Variants in ZFAND4 observed in about 807,000 individuals in gnomAD.
The protein encoded by ZFAND4 is zinc finger AN1-type containing 4, also known as AN1-type zinc finger protein 4.
ZFAND4 carries 43 observed loss-of-function variants against 64.4 expected under a neutral mutation model. That is an observed-to-expected ratio of 0.67 (90% CI 0.52 to 0.86). ZFAND4 has a LOEUF of 0.86. Among genes scored for constraint, ZFAND4 ranks in the 40% least tolerant of loss-of-function variants. ZFAND4 has a pLI of 0.00. For synonymous variants in ZFAND4, 296 were observed against 305.7 expected (o/e 0.97, Z 0.33); for missense variants, 929 against 859.8 (o/e 1.08, Z -1.01).
In ZFAND4 at chr10:45,639,918, A is replaced by G. The variant is rs371565449; in HGVS notation, c.615T>C (p.Thr205=). 2.2e-5 allele frequency: 36 copies of G among 1,613,332 alleles called. No homozygotes were observed. In the South Asian group the frequency reaches 3.6e-4, roughly 16 times the overall value. ...TCTGTTGCCCAGAAGAAGAAGGCTCAGTTTCTTCATCCTCATCTGTATCTG... is the reference window on the plus strand; with the variant it reads ...TCTGTTGCCCAGAAGAAGAAGGCTCGGTTTCTTCATCCTCATCTGTATCTG... The part of the protein sequence containing the change: ...YNSDTDEDEE[T]EPSSSGQQII... Residue 205 remains threonine (T), a synonymous_variant, in exon 6 of 10, where the codon ACT becomes ACC. Transcript: ENST00000344646.
chr10:45,650,781 T>C (rs1208351454), intron 4 of ZFAND4: 3 of 152,168 alleles, frequency 2.0e-5, no homozygotes, highest in Non-Finnish European at 1.5e-5. Flanking sequence ...GTTATTACTA[T>C]AAACATCACA....
intron 2 of ZFAND4, among the ~76,000 whole-genome samples, chr10:45,656,534 AAAAG>A (rs1481064633): frequency 1.9e-4 from 29 of 150,692 alleles, no homozygotes; most frequent in Non-Finnish European, 3.0e-4. Context: ...AAGAAAAGAA[AAAAG>A]AAAGAAAGAA....
At chr10:45,629,927 C>A (rs901397061) in intron 6 of ZFAND4, among the ~76,000 whole-genome samples, 1 of 152,002 alleles carries the variant, frequency 6.6e-6, no homozygotes, top group Non-Finnish European at 1.5e-5. Context: ...ATTTAAAAAA[C>A]CTGCATCTCA....
intron 5 of ZFAND4, among the ~76,000 whole-genome samples, chr10:45,646,643 AAC>A (rs1358497763): frequency 1.2e-4 from 19 of 152,300 alleles, no homozygotes; most frequent in Non-Finnish European, 5.9e-5. Flanking sequence ...GATGTCTAAA[AAC>A]ACAGCATAAT....
At chr10:45,622,131 C>A (rs911471911) in intron 8 of ZFAND4, among the ~76,000 whole-genome samples, 1 of 152,144 alleles carries the variant, frequency 6.6e-6, no homozygotes, top group African/African-American at 2.4e-5. Flanking sequence ...GTAATAAAAA[C>A]GATGTGATAC....
chr10:45,623,438 T>TAC (rs1262528499), intron 8 of ZFAND4, among the ~76,000 whole-genome samples: 8 of 152,064 alleles, frequency 5.3e-5, no homozygotes, highest in South Asian at 2.1e-4. Context: ...TGTGTGTGTG[T>TAC]ACACACACAC....
rs138100268 is a variant in ZFAND4, at chr10:45,663,646, G to A, written c.80C>T (p.Thr27Ile). Residue 27 changes from threonine to isoleucine, a missense_variant, in exon 2 of 10, where the codon ACC (threonine) becomes ATC (isoleucine). Coordinates refer to ENST00000344646, the MANE Select transcript of ZFAND4 (RefSeq NM_174890.4). ...TAATGTTTCAATGAAGAGCTCCATG[G>A]TATCACAGAAATGAAGTCTGTAGTA... Reference protein sequence around the residue: ...PFYYRLHFCDTMELFIETLTG... With the variant: ...PFYYRLHFCDIMELFIETLTG... The A allele has an allele frequency of 4.0e-5, 65 of 1,610,884 alleles. No individual in the cohort carries two copies. The highest frequency in any genetic ancestry group is 5.0e-5 in the Non-Finnish European group (59 of 1,179,062).
rs191391330 is a variant in ZFAND4 at position 45,660,759 on chromosome 10, G to C, written c.184+2783C>G. On this transcript the variant is annotated intron_variant, in intron 2 of 9. Coordinates refer to ENST00000344646, the MANE Select transcript of ZFAND4 (RefSeq NM_174890.4). ...AAATCATGCAAATAAGAAAAGACTA[G>C]AGTGAAATATTTAGTGTTGAAAGAA... 1.5e-3 allele frequency among the ~76,000 whole-genome samples: 228 copies of C among 152,138 alleles called. 1 individual carries two copies. The highest frequency in any genetic ancestry group is 4.1e-3 in the African/African-American group (170 of 41,526).
chr10:45,655,372 T>A (rs1234407718), intron 2 of ZFAND4, among the ~76,000 whole-genome samples: 1 of 152,206 alleles, frequency 6.6e-6, no homozygotes, highest in Non-Finnish European at 1.5e-5. Context: ...GAGGAAAGTT[T>A]ATAGTGCTGA....
At chr10:45,668,606 C>T (rs1177306324) in intron 1 of ZFAND4, among the ~76,000 whole-genome samples, 2 of 152,222 alleles carry the variant, frequency 1.3e-5, no homozygotes, top group African/African-American at 4.8e-5. Context: ...TTCTTCTCAG[C>T]ACCACATCGC....
rs577375519 is a variant in ZFAND4, at chr10:45,664,946, G to C, written c.-117-1104C>G. Among the ~76,000 whole-genome samples the C allele has an allele frequency of 2.4e-4, 36 of 150,980 alleles. No homozygotes were observed. In the South Asian group the frequency reaches 7.1e-3, roughly 30 times the overall value. ...ACTCTGGTCTCAAAAACAAAAAAAA[G>C]TAGTACTCACTAAATCATCAACGGT... On this transcript the variant is annotated intron_variant, in intron 1 of 9. Transcript: ENST00000344646.
intron 6 of ZFAND4, among the ~76,000 whole-genome samples, chr10:45,629,841 T>A (rs929692547): frequency 1.3e-5 from 2 of 152,214 alleles, no homozygotes; most frequent in South Asian, 4.2e-4. Flanking sequence ...CCAGCCTGGA[T>A]GATAGAGCAA....
intron 1 of ZFAND4, among the ~76,000 whole-genome samples, chr10:45,671,247 TC>T (rs2049166536): frequency 6.6e-6 from 1 of 152,246 alleles, no homozygotes; most frequent in Admixed American, 6.5e-5. Flanking sequence ...GTAAATTAGT[TC>T]AACCGTTGTG....
chr10:45,646,742 A>G (rs2047409851), intron 5 of ZFAND4, among the ~76,000 whole-genome samples: 1 of 152,194 alleles, frequency 6.6e-6, no homozygotes, highest in Non-Finnish European at 1.5e-5. Flanking sequence ...AGGAAAAGGG[A>G]GCCAAAAGAG....
chr10:45,644,615 T>C (rs1046703362), intron 5 of ZFAND4, among the ~76,000 whole-genome samples: 2 of 152,140 alleles, frequency 1.3e-5, no homozygotes, highest in Non-Finnish European at 2.9e-5. Context: ...CCTGAGAAAA[T>C]AAAGTTGTTT....
At chr10:45,666,396 G>C (rs2048827380) in intron 1 of ZFAND4, among the ~76,000 whole-genome samples, 1 of 151,766 alleles carries the variant, frequency 6.6e-6, no homozygotes, top group Non-Finnish European at 1.5e-5. Flanking sequence ...TTTTTTAATT[G>C]GATTTTTTAT....
rs191599985 is a variant in ZFAND4, at chr10:45,625,310, A to C, written c.1872+641T>G. The stretch of plus-strand genomic sequence containing the variant: ...ACACGGTGAAACCCCATCTCTACTA[A>C]AAATACAAAAAAAATTAGCCAGGCG... On this transcript the variant is annotated intron_variant, in intron 7 of 9. Transcript: ENST00000344646. Among the ~76,000 whole-genome samples the C allele has an allele frequency of 2.8e-4, 41 of 146,812 alleles. No homozygotes were observed. In the East Asian group the frequency reaches 7.9e-3, roughly 28 times the overall value.
At chr10:45,651,207 A>C (rs2047733590) in intron 4 of ZFAND4, 1 of 166,254 alleles carries the variant, frequency 6.0e-6, no homozygotes, top group Non-Finnish European at 1.3e-5. Flanking sequence ...CATGTGACAT[A>C]CCTGACTCAG....
intron 1 of ZFAND4, among the ~76,000 whole-genome samples, chr10:45,666,679 T>C (rs2048847434): frequency 6.6e-6 from 1 of 152,232 alleles, no homozygotes. Context: ...CCAATTTCAA[T>C]TTAGTTTTGT....
Sources: gnomAD v4.1 joint callset for allele counts (sites outside exome capture counted in the v4.1 genomes callset) on GRCh38, gnomAD v4.1.1 for gene constraint, MANE v1.5 for transcripts, NCBI Gene and HGNC (gene_info 2026-07-23, HGNC 2026-07-21) for gene names.